Variants in PPIL6 observed in about 807,000 individuals in gnomAD.
PPIL6 encodes the protein probable inactive peptidyl-prolyl cis-trans isomerase-like 6.
A neutral mutation model predicts 36.8 loss-of-function variants in PPIL6; 39 were observed. The observed-to-expected ratio is 1.06, with a 90% CI of 0.82 to 1.38. PPIL6 has a LOEUF of 1.38. PPIL6 is among the 40% of genes most tolerant of loss of function. The probability of loss-of-function intolerance (pLI) is 0.00; values close to 1 mark genes in which losing one functional copy is unlikely to be tolerated. For synonymous variants in PPIL6, 123 were observed against 134.1 expected (o/e 0.92, Z 0.57); for missense variants, 368 against 379.1 (o/e 0.97, Z 0.24).
intron 6 of PPIL6, among the ~76,000 whole-genome samples, chr6:109,417,307 G>A (rs1433321405): frequency 6.6e-6 from 1 of 151,814 alleles, no homozygotes; most frequent in Non-Finnish European, 1.5e-5. Context: ...CACCTACTTA[G>A]GAGGCTAAGG....
chr6:109,431,054 A>T, intron 3 of PPIL6, 103 bp downstream of exon 3: 2 of 835,346 alleles, frequency 2.4e-6, no homozygotes, highest in Non-Finnish European at 3.7e-6. Flanking sequence ...TTAGTCTCCT[A>T]CTTTTTTATA....
At chr6:109,408,082 C>G (rs571536745) in intron 6 of PPIL6, among the ~76,000 whole-genome samples, 10 of 152,338 alleles carry the variant, frequency 6.6e-5, no homozygotes, top group Admixed American at 6.5e-4. Context: ...ACAGGAGATT[C>G]TGCAGAAAGG....
chr6:109,431,373 A>AC lies in PPIL6; in HGVS notation c.232-29_232-28insG, dbSNP rs1562273059. On this transcript the variant is annotated intron_variant, in intron 2 of 7. Transcript: ENST00000521072. ...GTAAGGGAAAAGGACAAAAAAAAAA[A>AC]AAAACGTAAGAAGTGGGGGGAAAAC... The AC allele has an allele frequency of 6.5e-6, 10 of 1,542,832 alleles. No individual in the cohort carries two copies. In the Admixed American group the frequency reaches 1.0e-4, roughly 15 times the overall value.
intron 5 of PPIL6, among the ~76,000 whole-genome samples, chr6:109,419,560 T>C (rs1299414971): frequency 1.3e-5 from 2 of 151,650 alleles, no homozygotes; most frequent in Non-Finnish European, 2.9e-5. Context: ...CTGTCTCTAC[T>C]AAAAACACAA....
intron 5 of PPIL6, among the ~76,000 whole-genome samples, chr6:109,423,222 G>A (rs770459601): frequency 5.4e-4 from 82 of 152,208 alleles, no homozygotes; most frequent in Non-Finnish European, 3.2e-4. Flanking sequence ...GAAAAAATTA[G>A]CTGGGCATGG....
chr6:109,392,533 T>G lies in PPIL6; in HGVS notation c.*293A>C. The G allele has an allele frequency of 3.8e-6, 1 of 265,716 alleles. No individual in the cohort carries two copies. The highest frequency in any genetic ancestry group is 7.0e-6 in the Non-Finnish European group (1 of 142,090). 16.5% of individuals were successfully genotyped at this position (265,716 alleles called of 1,614,324 possible). The stretch of plus-strand genomic sequence containing the variant: ...CAGCCTCTCCACATTCCAGACTGGA[T>G]GAAGGGGAAGGGGCAGGACCACTGG... On this transcript the variant is annotated 3_prime_UTR_variant, in exon 8 of 8. Coordinates refer to ENST00000521072, the MANE Select transcript of PPIL6 (RefSeq NM_173672.5).
chr6:109,392,791 G>C lies in PPIL6; in HGVS notation c.*35C>G. The C allele has an allele frequency of 2.5e-6, 3 of 1,197,988 alleles. No individual in the cohort carries two copies. The highest frequency in any genetic ancestry group is 3.6e-6 in the Non-Finnish European group (3 of 825,276). 74.2% of individuals were successfully genotyped at this position (1,197,988 alleles called of 1,614,324 possible). On this transcript the variant is annotated 3_prime_UTR_variant, in exon 8 of 8. Transcript: ENST00000521072. ...CCACAAACAGCTGATCAGATACAAA[G>C]TAATAAATTATCACAGAAAATATTG...
chr6:109,396,100 G>A (rs1582519246), intron 7 of PPIL6, among the ~76,000 whole-genome samples: 1 of 152,102 alleles, frequency 6.6e-6, no homozygotes, highest in African/African-American at 2.4e-5. Flanking sequence ...CTCCCAAAGT[G>A]CTTCTCTACT....
chr6:109,403,031 C>T, intron 6 of PPIL6: 1 of 1,527,664 alleles, frequency 6.5e-7, no homozygotes, highest in Non-Finnish European at 8.8e-7. Context: ...GTCTGCTCAC[C>T]TCGGTATTTC....
chr6:109,394,119 C>T (rs143826325), intron 7 of PPIL6, among the ~76,000 whole-genome samples: 5 of 152,010 alleles, frequency 3.3e-5, no homozygotes, highest in African/African-American at 4.8e-5. Context: ...GCCTGTAATC[C>T]CAGCACTTTG....
At chr6:109,406,467 G>A (rs1177735239) in intron 6 of PPIL6, among the ~76,000 whole-genome samples, 1 of 152,136 alleles carries the variant, frequency 6.6e-6, no homozygotes, top group African/African-American at 2.4e-5. Context: ...CTTTGGTAGT[G>A]TGTTCTTTCA....
At chr6:109,396,893 A>G (rs1772326058) in intron 7 of PPIL6, among the ~76,000 whole-genome samples, 1 of 151,852 alleles carries the variant, frequency 6.6e-6, no homozygotes, top group African/African-American at 2.4e-5. Flanking sequence ...CCTGTCTTGG[A>G]TCAGAGAGGA....
chr6:109,431,138 A>G lies in PPIL6; in HGVS notation c.420+19T>C. 6.4e-7 allele frequency: 1 copy of G among 1,560,116 alleles called. No individual in the cohort carries two copies. The highest frequency in any genetic ancestry group is 1.2e-5 in the South Asian group (1 of 86,382). ...GTCAAAGATTCCACAATTTTTCTTT[A>G]AAAGTTAGTATAACTTGCCTTGGTG... is the stretch of plus-strand genomic sequence containing the variant. On this transcript the variant is annotated intron_variant, in intron 3 of 7. Coordinates refer to ENST00000521072, the MANE Select transcript of PPIL6 (RefSeq NM_173672.5).
At chr6:109,422,910 G>A (rs1228398125) in intron 5 of PPIL6, among the ~76,000 whole-genome samples, 2 of 152,162 alleles carry the variant, frequency 1.3e-5, no homozygotes, top group Non-Finnish European at 2.9e-5. Flanking sequence ...TCATTCTTCT[G>A]TTTTTATTTG....
chr6:109,405,508 G>C (rs1415015291), intron 6 of PPIL6, among the ~76,000 whole-genome samples: 1 of 152,180 alleles, frequency 6.6e-6, no homozygotes. Flanking sequence ...ACATGGTACA[G>C]TCCAGCATGT....
At chr6:109,408,603 G>C (rs1056699655) in intron 6 of PPIL6, among the ~76,000 whole-genome samples, 1 of 152,066 alleles carries the variant, frequency 6.6e-6, no homozygotes, top group Non-Finnish European at 1.5e-5. Flanking sequence ...TGATCAGTTT[G>C]ATGCTGTATA....
intron 6 of PPIL6, among the ~76,000 whole-genome samples, chr6:109,417,410 A>C: frequency 6.7e-6 from 1 of 150,138 alleles, no homozygotes; most frequent in East Asian, 2.0e-4. Context: ...AAAGAAACTG[A>C]CTGTAAGTTT....
chr6:109,408,092 G>A (rs1453574317), intron 6 of PPIL6, among the ~76,000 whole-genome samples: 2 of 152,154 alleles, frequency 1.3e-5, no homozygotes, highest in Non-Finnish European at 1.5e-5. Context: ...CTGCAGAAAG[G>A]GCTCATGGCA....
chr6:109,426,877 T>C lies in PPIL6; in HGVS notation c.601A>G (p.Ile201Val). ...CCTTGTATCCAGCCATTCTGTACTA[T>C]TCGATGAAAAATGGAATTTTTGTAA... ...LHYKNSIFHRIVQNGWIQGGD... is the reference protein window; with the variant it reads ...LHYKNSIFHRVVQNGWIQGGD... Residue 201 changes from isoleucine to valine, a missense_variant, in exon 5 of 8, where the codon ATA becomes GTA. By Grantham distance (29) the Ile-to-Val change is conservative. Transcript: ENST00000521072. 1 of 1,600,522 alleles carries C rather than the reference T, an allele frequency of 6.2e-7. No individual in the cohort carries two copies. The highest frequency in any genetic ancestry group is 8.6e-7 in the Non-Finnish European group (1 of 1,169,492).
Sources: allele counts gnomAD v4.1 joint callset (sites outside exome capture counted in the v4.1 genomes callset), GRCh38; gene constraint gnomAD v4.1.1; transcripts MANE v1.5; gene names NCBI Gene and HGNC (gene_info 2026-07-23, HGNC 2026-07-21).